The following KCNN3 variants were observed in gnomAD, a reference collection of about 807,000 sequenced individuals.
KCNN3 encodes small conductance calcium-activated potassium channel protein 3.
Under a neutral mutation model 62.9 loss-of-function variants are expected in KCNN3, and 16 were observed. That is an observed-to-expected ratio of 0.25 (90% CI 0.17 to 0.39). The LOEUF (loss-of-function observed/expected upper bound fraction) is 0.39, where lower values mean the gene tolerates loss of function less well. Among genes scored for constraint, KCNN3 ranks in the 10% least tolerant of loss-of-function variants. The pLI is 1.00. For missense variants in KCNN3, 599 were observed against 949.4 expected, an observed-to-expected ratio of 0.63 and a Z score of 4.85; for synonymous variants, 370 against 389.2, an observed-to-expected ratio of 0.95 and a Z score of 0.58.
At chr1:154,830,528 C>T (rs540424384) in intron 1 of KCNN3, among the ~76,000 whole-genome samples, 1 of 152,338 alleles carries the variant, frequency 6.6e-6, no homozygotes, top group East Asian at 1.9e-4. Context: ...GGGTCTTCAC[C>T]GTCTCTGCAG....
At chr1:154,757,266 T>C (rs1571244860) in intron 3 of KCNN3, among the ~76,000 whole-genome samples, 1 of 152,150 alleles carries the variant, frequency 6.6e-6, no homozygotes, top group Admixed American at 6.6e-5. Context: ...CAGAGAGAAA[T>C]GGACTTCAGG....
At chr1:154,786,795 GA>G (rs1649301633) in intron 2 of KCNN3, among the ~76,000 whole-genome samples, 1 of 152,150 alleles carries the variant, frequency 6.6e-6, no homozygotes, top group Non-Finnish European at 1.5e-5. Context: ...TGTGTTAAAA[GA>G]AGCCTATATT....
chr1:154,817,470 A>G (rs551054249), intron 2 of KCNN3, among the ~76,000 whole-genome samples: 7 of 152,346 alleles, frequency 4.6e-5, no homozygotes, highest in Admixed American at 4.6e-4. Context: ...AGCATCCAAG[A>G]TGGAGTTGCT....
At position 154,771,987 on chromosome 1, in the gene KCNN3, C is replaced by T. The variant is rs1648579950; in HGVS notation, c.1436G>A (p.Arg479His). The part of the protein sequence containing the change: ...SLWIIAAWTV[R>H]VCERYHDQQD... ...CCATGTGGAATACCTTTCACAGACACGGACGGTCCAGGCAGCAATGATCCA... is the reference window on the plus strand; with the variant it reads ...CCATGTGGAATACCTTTCACAGACATGGACGGTCCAGGCAGCAATGATCCA... Residue 479 changes from arginine (R) to histidine (H), a missense_variant, in exon 3 of 8, where the codon CGT (arginine) becomes CAT (histidine). This residue lies in a region of KCNN3 where 288 missense variants were observed against 557.4 expected (regional missense o/e 0.52). Coordinates refer to ENST00000271915, the MANE Select transcript of KCNN3 (RefSeq NM_002249.6). 1.9e-6 allele frequency: 3 copies of T among 1,613,974 alleles called. No individual in the cohort carries two copies. Among genetic ancestry groups the T allele is most frequent in the South Asian group, 1.1e-5 (1 of 91,084 alleles).
Position 154,707,398 on chromosome 1 carries a change from A to G in KCNN3, c.*578T>C, listed in dbSNP as rs1245173948. 1.3e-5 allele frequency: 2 copies of G among 150,440 alleles called. No homozygotes were observed. The highest frequency in any genetic ancestry group is 4.9e-5 in the African/African-American group (2 of 40,922). The allele number at this position is 150,440 out of a possible 1,614,324, so 9.3% of individuals were successfully genotyped here. A position where few individuals can be genotyped will look rare whatever the true frequency, so the allele number is the denominator to read the frequency against. ...TTATGTGGGTATTAATATCGAGTGG[A>G]AAATCTGGCTTTTTATTTGTCTGTG... On this transcript the variant is annotated 3_prime_UTR_variant, in exon 8 of 8. Coordinates refer to ENST00000271915, the MANE Select transcript of KCNN3 (RefSeq NM_002249.6).
At chr1:154,754,174 G>T (rs1647521709) in intron 3 of KCNN3, among the ~76,000 whole-genome samples, 1 of 152,160 alleles carries the variant, frequency 6.6e-6, no homozygotes, top group Admixed American at 6.5e-5. Context: ...TCTTCTAGAG[G>T]GAGCAATTGA....
Position 154,763,780 on chromosome 1 carries a change from C to T in KCNN3, c.1448+8195G>A, listed in dbSNP as rs896410613. ...TTTTCTGATGTTTTGAAATGTGTGACCAAGAAGTTGATCAATTTTTTAAAG... is the reference window on the plus strand; with the variant it reads ...TTTTCTGATGTTTTGAAATGTGTGATCAAGAAGTTGATCAATTTTTTAAAG... On this transcript the variant is annotated intron_variant, in intron 3 of 7. Coordinates refer to ENST00000271915, the MANE Select transcript of KCNN3 (RefSeq NM_002249.6). 5.3e-5 allele frequency among the ~76,000 whole-genome samples: 8 copies of T among 152,192 alleles called. No individual in the cohort carries two copies. In the East Asian group the frequency reaches 1.2e-3, roughly 22 times the overall value.
intron 1 of KCNN3, among the ~76,000 whole-genome samples, chr1:154,840,861 C>A (rs1651794292): frequency 6.6e-6 from 1 of 152,230 alleles, no homozygotes; most frequent in Non-Finnish European, 1.5e-5. Flanking sequence ...TCTGCCCCCA[C>A]CAACGCCCTC....
chr1:154,734,816 G>T (rs528581812), intron 3 of KCNN3, among the ~76,000 whole-genome samples: 11 of 152,356 alleles, frequency 7.2e-5, no homozygotes, highest in African/African-American at 2.4e-4. Flanking sequence ...CAGGTAAGCA[G>T]CAGGAGGCAC....
intron 2 of KCNN3, among the ~76,000 whole-genome samples, chr1:154,785,050 T>G (rs1017479639): frequency 1.3e-5 from 2 of 152,268 alleles, no homozygotes; most frequent in Non-Finnish European, 2.9e-5. Flanking sequence ...GTTCTTTGTG[T>G]GCCTTGGCAG....
chr1:154,813,985 A>T (rs1384408455), intron 2 of KCNN3, among the ~76,000 whole-genome samples: 1 of 152,270 alleles, frequency 6.6e-6, no homozygotes, highest in Non-Finnish European at 1.5e-5. Flanking sequence ...AGAGACTGCC[A>T]GGGCTGGTGT....
At chr1:154,785,344 A>T (rs1649230646) in intron 2 of KCNN3, among the ~76,000 whole-genome samples, 1 of 152,088 alleles carries the variant, frequency 6.6e-6, no homozygotes, top group Admixed American at 6.5e-5. Flanking sequence ...CAGCCTAGGG[A>T]GCTGAAGAAC....
chr1:154,726,859 G>A (rs1005171013), intron 4 of KCNN3, among the ~76,000 whole-genome samples: 1 of 152,188 alleles, frequency 6.6e-6, no homozygotes, highest in African/African-American at 2.4e-5. Context: ...GGGGAGCCCG[G>A]GGGAGGGTGG....
At chr1:154,811,398 T>C (rs1215895331) in intron 2 of KCNN3, among the ~76,000 whole-genome samples, 4 of 152,164 alleles carry the variant, frequency 2.6e-5, no homozygotes, top group African/African-American at 9.7e-5. Flanking sequence ...ACAATTAACG[T>C]CACTGAACCA....
chr1:154,801,797 G>C (rs933419046), intron 2 of KCNN3, among the ~76,000 whole-genome samples: 4 of 152,180 alleles, frequency 2.6e-5, no homozygotes, highest in African/African-American at 9.7e-5. Context: ...GACACCCCCG[G>C]AGGATGCACA....
chr1:154,861,236 T>G (rs1179312732), intron 1 of KCNN3, among the ~76,000 whole-genome samples: 5 of 152,096 alleles, frequency 3.3e-5, no homozygotes, highest in Non-Finnish European at 7.4e-5. Context: ...ATTACAGGTA[T>G]GAGCCACCGC....
chr1:154,806,997 C>T (rs191086743), intron 2 of KCNN3, among the ~76,000 whole-genome samples: 3 of 152,292 alleles, frequency 2.0e-5, no homozygotes, highest in Admixed American at 1.3e-4. Context: ...TTCTCTGCTA[C>T]AAGAGATCCT....
intron 2 of KCNN3, among the ~76,000 whole-genome samples, chr1:154,806,826 T>C (rs1257458051): frequency 6.6e-6 from 1 of 152,160 alleles, no homozygotes; most frequent in Non-Finnish European, 1.5e-5. Flanking sequence ...CTGTATAATG[T>C]TCATAAGGCT....
intron 2 of KCNN3, among the ~76,000 whole-genome samples, chr1:154,801,638 CT>C (rs967955055): frequency 6.6e-6 from 1 of 152,224 alleles, no homozygotes; most frequent in Admixed American, 6.5e-5. Context: ...ACAAGTGCAA[CT>C]TTTGCCACTT....
Sources: allele counts gnomAD v4.1 joint callset (sites outside exome capture counted in the v4.1 genomes callset), GRCh38; gene constraint gnomAD v4.1.1; regional missense constraint gnomAD v4.1.1; transcripts MANE v1.5; gene names NCBI Gene and HGNC (gene_info 2026-07-23, HGNC 2026-07-21).